ZFPM2: variants seen among roughly 807,000 people sequenced by gnomAD.
The protein encoded by ZFPM2 is zinc finger protein ZFPM2.
In ZFPM2, 20 loss-of-function variants were observed where a neutral mutation model predicts 98.6. The ratio of observed to expected loss-of-function variants is 0.20; its 90% CI spans 0.14 to 0.29. ZFPM2 has a LOEUF of 0.29. ZFPM2 is among the 10% of genes least tolerant of loss of function. The probability of loss-of-function intolerance (pLI) is 1.00; values close to 1 mark genes in which losing one functional copy is unlikely to be tolerated. For synonymous variants in ZFPM2, 518 were observed against 502.7 expected (o/e 1.03, Z -0.41); for missense variants, 1,310 against 1,388.6 (o/e 0.94, Z 0.90).
At chr8:105,380,928 A>T (rs1467053412) in intron 1 of ZFPM2, among the ~76,000 whole-genome samples, 6 of 107,580 alleles carry the variant, frequency 5.6e-5, no homozygotes, top group African/African-American at 2.1e-4. Context: ...TATATATTAT[A>T]ATATATATAT....
At chr8:105,660,239 G>T (rs957312343) in intron 5 of ZFPM2, among the ~76,000 whole-genome samples, 12 of 151,774 alleles carry the variant, frequency 7.9e-5, no homozygotes, top group African/African-American at 2.9e-4. Flanking sequence ...TTCATTGTTT[G>T]GTTCCTAACA....
intron 5 of ZFPM2, among the ~76,000 whole-genome samples, chr8:105,711,974 C>T (rs1811411785): frequency 6.6e-6 from 1 of 151,892 alleles, no homozygotes; most frequent in Non-Finnish European, 1.5e-5. Flanking sequence ...GATTTAAATT[C>T]CTAGAGGACA....
In ZFPM2 at chr8:105,803,037, T is replaced by C. The variant is rs1319503969; in HGVS notation, c.2955T>C (p.Tyr985=). Reference sequence around the variant, plus strand: ...GAGCCGACCAGCTTTCTCCATATTATGGAATCAAGCCAAGTGATTATATTT... The same window carrying C: ...GAGCCGACCAGCTTTCTCCATATTACGGAATCAAGCCAAGTGATTATATTT... ...AKGADQLSPY[Y]GIKPSDYISG... is the part of the protein sequence containing the mutation. The change falls in exon 8 of 8, where the codon TAT becomes TAC. Residue 985 remains tyrosine (Y), a synonymous_variant. Coordinates refer to ENST00000407775, the MANE Select transcript of ZFPM2 (RefSeq NM_012082.4). The C allele has an allele frequency of 1.2e-6, 2 of 1,613,508 alleles. No homozygotes were observed. Among genetic ancestry groups the C allele is most frequent in the Admixed American group, 1.7e-5 (1 of 59,932 alleles).
intron 1 of ZFPM2, chr8:105,358,525 G>T (rs1812793056): frequency 6.6e-6 from 1 of 152,162 alleles, no homozygotes; most frequent in African/African-American, 2.4e-5. Context: ...CTATCAACAT[G>T]ACTTCGAAGC....
In ZFPM2 at chr8:105,471,496, G is replaced by A. The variant is rs1392571099; in HGVS notation, c.301+27115G>A. Among the ~76,000 whole-genome samples, 4 of 152,138 alleles carry A rather than the reference G, an allele frequency of 2.6e-5. No individual in the cohort carries two copies. In the East Asian group the frequency reaches 5.8e-4, roughly 22 times the overall value. ...AAGATTGGGCAAAAACTTTTTGGAC[G>A]AGGATGGGATAGCTTACTCAGCTAA... is the stretch of plus-strand genomic sequence containing the variant. On this transcript the variant is annotated intron_variant, in intron 3 of 7. Transcript: ENST00000407775.
At chr8:105,533,895 T>G (rs1293765011) in intron 3 of ZFPM2, among the ~76,000 whole-genome samples, 1 of 17,304 alleles carries the variant, frequency 5.8e-5, no homozygotes, top group African/African-American at 1.1e-3. Flanking sequence ...CTTCCTTCCT[T>G]TCTTCCTACC....
intron 1 of ZFPM2, among the ~76,000 whole-genome samples, chr8:105,344,505 A>G (rs184440066): frequency 2.6e-4 from 39 of 152,268 alleles, no homozygotes; most frequent in African/African-American, 8.9e-4. Flanking sequence ...CTGATTTTTA[A>G]CATTTGTAAT....
chr8:105,328,897 A>T (rs1379090917), intron 1 of ZFPM2, among the ~76,000 whole-genome samples: 1 of 151,804 alleles, frequency 6.6e-6, no homozygotes, highest in African/African-American at 2.4e-5. Flanking sequence ...CTCCAAATGA[A>T]GACTCAGTGT....
Position 105,318,455 on chromosome 8 carries a change from G to T in ZFPM2, c.-487G>T, listed in dbSNP as rs1429050439. Among the ~76,000 whole-genome samples, 1 of 151,244 alleles carries T rather than the reference G, an allele frequency of 6.6e-6. No homozygotes were observed. Among genetic ancestry groups the T allele is most frequent in the Non-Finnish European group, 1.5e-5 (1 of 67,748 alleles). The stretch of plus-strand genomic sequence containing the variant: ...CCCGCCGCAGAACAGGAGCTGCGCG[G>T]CCCGGAGCGGCGGCGGCGGCGCCGG... On this transcript the variant is annotated 5_prime_UTR_variant, in exon 1 of 8. Coordinates refer to ENST00000407775, the MANE Select transcript of ZFPM2 (RefSeq NM_012082.4).
chr8:105,436,173 C>A (rs188772228), intron 2 of ZFPM2, among the ~76,000 whole-genome samples: 9 of 151,962 alleles, frequency 5.9e-5, no homozygotes, highest in Non-Finnish European at 8.8e-5. Flanking sequence ...AAATAGTAAA[C>A]CTTAGGGAAA....
chr8:105,464,844 T>C lies in ZFPM2; in HGVS notation c.301+20463T>C, dbSNP rs1012123224. 2.5e-4 allele frequency among the ~76,000 whole-genome samples: 38 copies of C among 151,900 alleles called. No homozygotes were observed. In the Middle Eastern group the frequency reaches 0.01, roughly 41 times the overall value. The stretch of plus-strand genomic sequence containing the variant: ...CCAACTGTATTGAAAGCACCAATTC[T>C]AGGGAATGAAAAATGGAGGAGGCAG... On this transcript the variant is annotated intron_variant, in intron 3 of 7. Transcript: ENST00000407775.
chr8:105,604,906 TG>T (rs1816167093), intron 4 of ZFPM2, among the ~76,000 whole-genome samples: 1 of 152,100 alleles, frequency 6.6e-6, no homozygotes, highest in Non-Finnish European at 1.5e-5. Context: ...CAGATTATCT[TG>T]TATGTTTTGC....
intron 4 of ZFPM2, among the ~76,000 whole-genome samples, chr8:105,582,964 G>A (rs1815635409): frequency 6.6e-6 from 1 of 152,098 alleles, no homozygotes; most frequent in Admixed American, 6.5e-5. Context: ...TATGTTGCTC[G>A]TTTTTCTTGT....
intron 4 of ZFPM2, among the ~76,000 whole-genome samples, chr8:105,628,537 C>T (rs1816699982): frequency 6.6e-6 from 1 of 152,178 alleles, no homozygotes; most frequent in South Asian, 2.1e-4. Flanking sequence ...TTTTCCTCAA[C>T]CACCTACACT....
At chr8:105,517,739 A>C (rs1159372478) in intron 3 of ZFPM2, among the ~76,000 whole-genome samples, 57 of 150,382 alleles carry the variant, frequency 3.8e-4, no homozygotes, top group Non-Finnish European at 2.2e-4. Context: ...ACACACACAC[A>C]CACCCCTAGT....
chr8:105,768,825 A>G (rs774057975), intron 5 of ZFPM2, among the ~76,000 whole-genome samples: 1 of 151,128 alleles, frequency 6.6e-6, no homozygotes, highest in Non-Finnish European at 1.5e-5. Flanking sequence ...AAATACATAC[A>G]CACACACACA....
At chr8:105,564,254 G>A (rs1815200520) in intron 4 of ZFPM2, among the ~76,000 whole-genome samples, 1 of 151,764 alleles carries the variant, frequency 6.6e-6, no homozygotes, top group Admixed American at 6.6e-5. Flanking sequence ...CAACAATTGG[G>A]TAATGGGTGA....
At chr8:105,583,606 A>G (rs1815649258) in intron 4 of ZFPM2, among the ~76,000 whole-genome samples, 1 of 152,194 alleles carries the variant, frequency 6.6e-6, no homozygotes, top group Middle Eastern at 3.2e-3. Flanking sequence ...TATAATTGAG[A>G]ATCCAAAAAG....
In ZFPM2 at chr8:105,634,370, T is replaced by C. The variant is rs1261464228; in HGVS notation, c.532+13T>C. ...GTGTACAGCAAAGGTAAATGCAAGA[T>C]TGTTTCCCTCTCTCTTTGGAAGTAT... On this transcript the variant is annotated intron_variant, in intron 5 of 7. Transcript: ENST00000407775. 2 of 1,594,350 alleles carry C rather than the reference T, an allele frequency of 1.3e-6. No homozygotes were observed. Among genetic ancestry groups the C allele is most frequent in the African/African-American group, 1.3e-5 (1 of 74,552 alleles).
Sources: allele counts gnomAD v4.1 joint callset (sites outside exome capture counted in the v4.1 genomes callset), GRCh38; gene constraint gnomAD v4.1.1; transcripts MANE v1.5; gene names NCBI Gene and HGNC (gene_info 2026-07-23, HGNC 2026-07-21).